C14orf132: variants seen among roughly 807,000 people sequenced by gnomAD.
The protein encoded by C14orf132 is uncharacterized protein C14orf132.
In C14orf132, 6 loss-of-function variants were observed where a neutral mutation model predicts 5.8. The observed-to-expected ratio is 1.03, with a 90% confidence interval of 0.57 to 2.04. The LOEUF (loss-of-function observed/expected upper bound fraction) is 2.04, where lower values mean the gene tolerates loss of function less well. C14orf132 is among the 30% of genes most tolerant of loss of function. C14orf132 has a pLI of 0.00. For synonymous variants in C14orf132, 51 were observed against 49.8 expected (o/e 1.02, Z -0.10); for missense variants, 125 against 115.8 (o/e 1.08, Z -0.37).
In C14orf132 at chr14:96,089,514, C is replaced by T. The variant is rs1256834280; in HGVS notation, c.*2779C>T. 1.3e-5 allele frequency: 2 copies of T among 152,314 alleles called. No homozygotes were observed. Among genetic ancestry groups the T allele is most frequent in the Non-Finnish European group, 1.5e-5 (1 of 68,116 alleles). The allele number at this position is 152,314 out of a possible 1,614,324, so 9.4% of individuals were successfully genotyped here. On this transcript the variant is annotated 3_prime_UTR_variant, in exon 2 of 2. Transcript: ENST00000555004. ...GCCTTCTGTGACTGGGTGGCACCTC[C>T]AGGGCACATTTACACAAGGCCCTGA...
intron 1 of C14orf132, among the ~76,000 whole-genome samples, chr14:96,080,975 C>T (rs556102165): frequency 1.3e-5 from 2 of 152,324 alleles, no homozygotes; most frequent in South Asian, 4.1e-4. Flanking sequence ...CAAAAAATAA[C>T]AGACACTCGT....
intron 1 of C14orf132, among the ~76,000 whole-genome samples, chr14:96,071,837 C>T (rs1036683092): frequency 9.9e-5 from 15 of 152,248 alleles, no homozygotes; most frequent in African/African-American, 3.6e-4. Flanking sequence ...GGCTGGTGGA[C>T]ATCGCCTTGT....
rs1303594931 is a variant in C14orf132 at position 96,090,590 on chromosome 14, C to A, written c.*3855C>A. 1 of 456,010 alleles carries A rather than the reference C, an allele frequency of 2.2e-6. No homozygotes were observed. The highest frequency in any genetic ancestry group is 4.4e-6 in the Non-Finnish European group (1 of 226,776). 28.2% of individuals were successfully genotyped at this position (456,010 alleles called of 1,614,324 possible). A position where few individuals can be genotyped will look rare whatever the true frequency, so the allele number is the denominator to read the frequency against. On this transcript the variant is annotated 3_prime_UTR_variant, in exon 2 of 2. Transcript: ENST00000555004. ...ACTCCAAGCCAATGCTGTCCTTCCC[C>A]TTTCCCATGAAATCAAGGTCAAGAG...
At chr14:96,056,754 G>A (rs1378667012) in intron 1 of C14orf132, among the ~76,000 whole-genome samples, 1 of 152,128 alleles carries the variant, frequency 6.6e-6, no homozygotes, top group Admixed American at 6.5e-5. Flanking sequence ...TTCATGGGGA[G>A]ATGGAAAAAC....
In C14orf132 at chr14:96,070,596, T is replaced by A. The variant is rs868278509; in HGVS notation, c.28-15915T>A. On this transcript the variant is annotated intron_variant, in intron 1 of 1. Coordinates refer to ENST00000555004, the MANE Select transcript of C14orf132 (RefSeq NM_001252507.3). ...GGTAGATGAAGTCTCTCTCTCTCTC[T>A]CACACACACACACACACACACACAC... Among the ~76,000 whole-genome samples the A allele has an allele frequency of 7.0e-3, 999 of 142,632 alleles. 11 individuals carry two copies. Among genetic ancestry groups the A allele is most frequent in the African/African-American group, 0.023 (899 of 38,474 alleles). The allele number at this position is 142,632 out of a possible 152,430, so 93.6% of individuals were successfully genotyped here.
At chr14:96,080,752 T>C (rs757568562) in intron 1 of C14orf132, among the ~76,000 whole-genome samples, 28 of 152,180 alleles carry the variant, frequency 1.8e-4, no homozygotes, top group South Asian at 1.5e-3. Context: ...TTTTCCACAA[T>C]GGCCCGGACC....
intron 1 of C14orf132, among the ~76,000 whole-genome samples, chr14:96,044,628 G>T (rs574304224): frequency 1.3e-5 from 2 of 152,148 alleles, no homozygotes; most frequent in Admixed American, 1.3e-4. Context: ...GTGTCAGCAG[G>T]GCCAAAGTAG....
Position 96,066,657 on chromosome 14 carries a change from A to ACCGG in C14orf132, c.28-19854_28-19853insCCGG, listed in dbSNP as rs1887537782. On this transcript the variant is annotated intron_variant, in intron 1 of 1. Transcript: ENST00000555004. ...AGGCACCGGGATTCAAAGAGAAGTT[A>ACCGG]GACTCAACCCGTATCCTACAAGTGC... 2.6e-5 allele frequency among the ~76,000 whole-genome samples: 4 copies of ACCGG among 152,302 alleles called. No individual in the cohort carries two copies. The South Asian group carries it at 8.3e-4, about 32-fold the overall frequency.
At chr14:96,078,216 G>A (rs1000793214) in intron 1 of C14orf132, among the ~76,000 whole-genome samples, 1 of 152,258 alleles carries the variant, frequency 6.6e-6, no homozygotes, top group African/African-American at 2.4e-5. Context: ...CAGCGGAACT[G>A]TCACTGCTGC....
At chr14:96,058,452 G>A (rs570282698) in intron 1 of C14orf132, among the ~76,000 whole-genome samples, 3 of 151,954 alleles carry the variant, frequency 2.0e-5, no homozygotes, top group Non-Finnish European at 4.4e-5. Flanking sequence ...CAGGCCTCCC[G>A]GGGAAGGTTT....
chr14:96,056,556 G>C (rs1166870612), intron 1 of C14orf132, among the ~76,000 whole-genome samples: 1 of 152,158 alleles, frequency 6.6e-6, no homozygotes, highest in Non-Finnish European at 1.5e-5. Context: ...ATCTTCCTGA[G>C]CTCAGTTTCC....
At chr14:96,071,721 C>A (rs569539715) in intron 1 of C14orf132, among the ~76,000 whole-genome samples, 1 of 152,188 alleles carries the variant, frequency 6.6e-6, no homozygotes, top group Non-Finnish European at 1.5e-5. Context: ...GGAAGCTGGG[C>A]CCCCTTCTGT....
intron 1 of C14orf132, among the ~76,000 whole-genome samples, chr14:96,064,463 T>C (rs1249084658): frequency 1.3e-5 from 2 of 150,070 alleles, no homozygotes; most frequent in Non-Finnish European, 3.0e-5. Flanking sequence ...TATATGTATG[T>C]ATATATATAT....
chr14:96,052,303 G>T (rs1340239916), intron 1 of C14orf132, among the ~76,000 whole-genome samples: 1 of 152,276 alleles, frequency 6.6e-6, no homozygotes, highest in African/African-American at 2.4e-5. Flanking sequence ...GACTCAGACA[G>T]GCTGGTGCCA....
intron 1 of C14orf132, among the ~76,000 whole-genome samples, chr14:96,055,225 T>A (rs1217689578): frequency 6.6e-6 from 1 of 152,188 alleles, no homozygotes; most frequent in Non-Finnish European, 1.5e-5. Context: ...CCGGGTGGGT[T>A]CCGCGCATGC....
chr14:96,054,715 A>G (rs1456121469), intron 1 of C14orf132, among the ~76,000 whole-genome samples: 4 of 152,148 alleles, frequency 2.6e-5, no homozygotes, highest in Non-Finnish European at 5.9e-5. Context: ...CATTTTCCTC[A>G]ACTGTTTTCC....
At chr14:96,069,790 A>G (rs1887649908) in intron 1 of C14orf132, among the ~76,000 whole-genome samples, 1 of 152,166 alleles carries the variant, frequency 6.6e-6, no homozygotes, top group South Asian at 2.1e-4. Context: ...CTCAACATGT[A>G]TTATTTTGGA....
intron 1 of C14orf132, among the ~76,000 whole-genome samples, chr14:96,053,912 C>T (rs1385880194): frequency 6.6e-6 from 1 of 152,206 alleles, no homozygotes; most frequent in Non-Finnish European, 1.5e-5. Context: ...TCGCATCTCT[C>T]TCTTTACCCA....
chr14:96,050,630 G>C (rs1045783997), intron 1 of C14orf132, among the ~76,000 whole-genome samples: 1 of 152,022 alleles, frequency 6.6e-6, no homozygotes, highest in African/African-American at 2.4e-5. Flanking sequence ...GTGGTCTCCA[G>C]CTGCCTCACT....
Sources: gnomAD v4.1 joint callset for allele counts (sites outside exome capture counted in the v4.1 genomes callset) on GRCh38, gnomAD v4.1.1 for gene constraint, MANE v1.5 for transcripts, NCBI Gene and HGNC (gene_info 2026-07-23, HGNC 2026-07-21) for gene names.